The following RTN4RL1 variants were observed in gnomAD, a reference collection of about 807,000 sequenced individuals.
The protein encoded by RTN4RL1 is reticulon 4 receptor like 1, also known as reticulon-4 receptor-like 1.
Under a neutral mutation model 25.6 loss-of-function variants are expected in RTN4RL1, and 7 were observed. The ratio of observed to expected loss-of-function variants is 0.27; its 90% CI spans 0.16 to 0.51. The LOEUF (loss-of-function observed/expected upper bound fraction) is 0.51, where lower values mean the gene tolerates loss of function less well. Among genes scored for constraint, RTN4RL1 ranks in the 20% least tolerant of loss-of-function variants. The pLI, the probability that RTN4RL1 is intolerant of heterozygous loss-of-function variation, is 0.97. For synonymous variants in RTN4RL1, 297 were observed against 288.2 expected, an observed-to-expected ratio of 1.03 and a Z score of -0.31; for missense variants, 500 against 615.6, an observed-to-expected ratio of 0.81 and a Z score of 1.99.
intron 1 of RTN4RL1, among the ~76,000 whole-genome samples, chr17:1,973,676 G>C (rs561316698): frequency 1.3e-5 from 2 of 152,244 alleles, no homozygotes; most frequent in South Asian, 4.1e-4. Flanking sequence ...CTGTCTCTGA[G>C]GCCTGGCCCC....
At chr17:1,993,146 G>A (rs1234009743) in intron 1 of RTN4RL1, among the ~76,000 whole-genome samples, 1 of 152,154 alleles carries the variant, frequency 6.6e-6, no homozygotes, top group East Asian at 1.9e-4. Context: ...TATTCGGGAG[G>A]CTGAGGCAGG....
intron 1 of RTN4RL1, among the ~76,000 whole-genome samples, chr17:2,024,610 C>T (rs1330513497): frequency 1.3e-5 from 2 of 152,196 alleles, no homozygotes; most frequent in Non-Finnish European, 2.9e-5. Context: ...TCCGACTGAC[C>T]CCTCCGGGCC....
In RTN4RL1 at chr17:1,936,118, G is replaced by C. The variant is rs535864570; in HGVS notation, c.*378C>G. On this transcript the variant is annotated 3_prime_UTR_variant, in exon 2 of 2. Transcript: ENST00000331238. ...GCGTCCTGCTTTCTCCAGGAACCAC[G>C]GGGCCCTCCAGACCTCTCGGAACGA... The C allele has an allele frequency of 4.1e-4, 423 of 1,037,162 alleles. No individual in the cohort carries two copies. Among genetic ancestry groups the C allele is most frequent in the Non-Finnish European group, 4.8e-4 (411 of 863,384 alleles). 64.2% of individuals were successfully genotyped at this position (1,037,162 alleles called of 1,614,324 possible).
At chr17:2,021,309 C>T (rs1399271383) in intron 1 of RTN4RL1, among the ~76,000 whole-genome samples, 1 of 152,122 alleles carries the variant, frequency 6.6e-6, no homozygotes, top group East Asian at 1.9e-4. Flanking sequence ...ACCACTGCAC[C>T]CCTCACTGCA....
chr17:1,978,769 C>A (rs1242363603), intron 1 of RTN4RL1, among the ~76,000 whole-genome samples: 5 of 152,154 alleles, frequency 3.3e-5, no homozygotes, highest in Non-Finnish European at 7.4e-5. Flanking sequence ...GAAGCTGTTG[C>A]CATTAGGCAC....
In RTN4RL1 at chr17:1,937,890, C is replaced by T. The variant is rs922794841; in HGVS notation, c.14-82G>A. On this transcript the variant is annotated intron_variant, in intron 1 of 1. Coordinates refer to ENST00000331238, the MANE Select transcript of RTN4RL1 (RefSeq NM_178568.4). ...CGCACCCTCCGGCGCCCGCCGAGGA[C>T]GCATCCTCGTCTTGGCTGAGCTCCG... is the stretch of plus-strand genomic sequence containing the variant. 2.5e-5 allele frequency: 28 copies of T among 1,111,944 alleles called. 1 individual carries two copies. The highest frequency in any genetic ancestry group is 3.1e-4 in the Middle Eastern group (1 of 3,268). The allele number at this position is 1,111,944 out of a possible 1,614,324, so 68.9% of individuals were successfully genotyped here. A position where few individuals can be genotyped will look rare whatever the true frequency, so the allele number is the denominator to read the frequency against.
At chr17:1,971,390 G>C (rs4790853) in intron 1 of RTN4RL1, among the ~76,000 whole-genome samples, 1 of 152,014 alleles carries the variant, frequency 6.6e-6, no homozygotes, top group African/African-American at 2.4e-5. Context: ...ACCCAGTCTC[G>C]GGTGTTTCTT....
chr17:1,947,057 T>C (rs4790296), intron 1 of RTN4RL1, among the ~76,000 whole-genome samples: 26,900 of 104,024 alleles, frequency 0.26, 2,528 homozygotes, highest in Non-Finnish European at 0.28. Flanking sequence ...TCTCTGTGAA[T>C]GTGTCTGTGT....
At chr17:1,971,260 T>C (rs12452562) in intron 1 of RTN4RL1, among the ~76,000 whole-genome samples, 86,803 of 151,956 alleles carry the variant, frequency 0.57, 25,096 homozygotes, top group Admixed American at 0.7. Flanking sequence ...ATGCTCTCTC[T>C]CCTGTCGCCT....
At chr17:1,941,574 G>A (rs1915438759) in intron 1 of RTN4RL1, among the ~76,000 whole-genome samples, 1 of 152,164 alleles carries the variant, frequency 6.6e-6, no homozygotes, top group Non-Finnish European at 1.5e-5. Context: ...CAGTGCCTGA[G>A]GATGGTGGAG....
chr17:1,974,075 G>C (rs1003695521), intron 1 of RTN4RL1, among the ~76,000 whole-genome samples: 11 of 150,120 alleles, frequency 7.3e-5, no homozygotes, highest in Admixed American at 3.3e-4. Context: ...TCCTTAGGAG[G>C]GGGGAAAGGT....
chr17:1,961,939 C>T (rs1263785176), intron 1 of RTN4RL1, among the ~76,000 whole-genome samples: 1 of 132,556 alleles, frequency 7.5e-6, no homozygotes, highest in Non-Finnish European at 1.6e-5. Flanking sequence ...CAGAGCGAGA[C>T]TCTGCCTCAA....
At chr17:1,978,640 G>GGC (rs60599866) in intron 1 of RTN4RL1, among the ~76,000 whole-genome samples, 12 of 152,052 alleles carry the variant, frequency 7.9e-5, no homozygotes, top group Non-Finnish European at 1.6e-4. Context: ...AAATGGGGGG[G>GGC]GTGGAGGGTG....
At chr17:1,967,858 C>T (rs1444276241) in intron 1 of RTN4RL1, among the ~76,000 whole-genome samples, 1 of 152,156 alleles carries the variant, frequency 6.6e-6, no homozygotes, top group Non-Finnish European at 1.5e-5. Context: ...CCAGGCTGGT[C>T]TCGAACTCCT....
chr17:1,979,230 G>A (rs551079038), intron 1 of RTN4RL1, among the ~76,000 whole-genome samples: 71 of 152,298 alleles, frequency 4.7e-4, no homozygotes, highest in African/African-American at 1.4e-3. Flanking sequence ...CCAAGATAGC[G>A]CCACTGCACT....
intron 1 of RTN4RL1, among the ~76,000 whole-genome samples, chr17:1,951,749 G>A (rs951937271): frequency 4.6e-5 from 7 of 151,686 alleles, no homozygotes; most frequent in South Asian, 2.1e-4. Flanking sequence ...CACCGCGCCC[G>A]GCCCGAAGCC....
chr17:1,992,160 C>T (rs1051566032), intron 1 of RTN4RL1, among the ~76,000 whole-genome samples: 5 of 151,854 alleles, frequency 3.3e-5, no homozygotes, highest in Admixed American at 1.3e-4. Flanking sequence ...GTCAGGAGAA[C>T]GAGACCATCC....
intron 1 of RTN4RL1, among the ~76,000 whole-genome samples, chr17:1,949,609 T>C (rs1320195523): frequency 6.6e-6 from 1 of 152,140 alleles, no homozygotes; most frequent in East Asian, 1.9e-4. Context: ...CCAGATCCTG[T>C]CCATCACCCG....
Position 1,982,551 on chromosome 17 carries a change from T to C in RTN4RL1, c.13+42302A>G, listed in dbSNP as rs371961529. The stretch of plus-strand genomic sequence containing the variant: ...AATGGCATGAACCAGGGAGCGGAGG[T>C]TGCAGTGAGCCGAGATCGCGCCACT... On this transcript the variant is annotated intron_variant, in intron 1 of 1. Transcript: ENST00000331238. Among the ~76,000 whole-genome samples, 11 of 151,710 alleles carry C rather than the reference T, an allele frequency of 7.3e-5. No individual in the cohort carries two copies. The South Asian group carries it at 2.1e-3, about 29-fold the overall frequency.
Sources: allele counts gnomAD v4.1 joint callset (sites outside exome capture counted in the v4.1 genomes callset), GRCh38; gene constraint gnomAD v4.1.1; transcripts MANE v1.5; gene names NCBI Gene and HGNC (gene_info 2026-07-23, HGNC 2026-07-21).